The following SOS2 variants were observed in gnomAD, a reference collection of about 807,000 sequenced individuals.
SOS2 encodes the protein son of sevenless homolog 2.
A neutral mutation model predicts 148.2 loss-of-function variants in SOS2; 65 were observed. The observed-to-expected ratio is 0.44, with a 90% CI of 0.36 to 0.54. The LOEUF (loss-of-function observed/expected upper bound fraction) is 0.54. SOS2 is among the 20% of genes least tolerant of loss of function. The pLI, the probability that SOS2 is intolerant of heterozygous loss-of-function variation, is 0.00. For missense variants in SOS2, 1,341 were observed against 1,590.2 expected, an observed-to-expected ratio of 0.84 and a Z score of 2.67; for synonymous variants, 539 against 537.1, an observed-to-expected ratio of 1.00 and a Z score of -0.05.
intron 1 of SOS2, 40 bp downstream of exon 1, chr14:50,231,157 C>G: frequency 8.0e-7 from 1 of 1,247,306 alleles, no homozygotes; most frequent in Non-Finnish European, 1.1e-6. Context: ...GCTCGGGGGG[C>G]CACGGGCCAC....
intron 8 of SOS2, among the ~76,000 whole-genome samples, chr14:50,169,020 T>C (rs1242463995): frequency 2.6e-5 from 4 of 152,140 alleles, no homozygotes. Context: ...TATTTCAAAG[T>C]ACATTGTTAG....
At chr14:50,178,019 G>A (rs968671164) in intron 7 of SOS2, among the ~76,000 whole-genome samples, 1 of 152,070 alleles carries the variant, frequency 6.6e-6, no homozygotes, top group Admixed American at 6.6e-5. Flanking sequence ...AGAAAAACAG[G>A]GGCTGATAAC....
chr14:50,197,460 C>T (rs1331833218), intron 4 of SOS2, among the ~76,000 whole-genome samples: 1 of 152,102 alleles, frequency 6.6e-6, no homozygotes, highest in South Asian at 2.1e-4. Context: ...CTATGATATT[C>T]CTGCTAAAGA....
intron 5 of SOS2, 85 bp from the exon 6 acceptor site, chr14:50,182,691 C>T (rs910197053): frequency 9.3e-7 from 1 of 1,074,092 alleles, no homozygotes; most frequent in South Asian, 1.5e-5. Context: ...ATATAGGCTA[C>T]TCGAGGCAGA....
intron 7 of SOS2, among the ~76,000 whole-genome samples, chr14:50,176,294 T>A (rs7143675): frequency 0.21 from 32,000 of 152,182 alleles, 3,635 homozygotes; most frequent in East Asian, 0.45. Flanking sequence ...AAATTTCTAT[T>A]GTTTATAAGC....
chr14:50,124,530 T>C (rs1428070914), intron 21 of SOS2, among the ~76,000 whole-genome samples: 1 of 152,232 alleles, frequency 6.6e-6, no homozygotes, highest in Non-Finnish European at 1.5e-5. Context: ...AACATTTTTA[T>C]GGTTTGATAT....
At chr14:50,221,752 C>T (rs533929685) in intron 1 of SOS2, among the ~76,000 whole-genome samples, 1 of 152,128 alleles carries the variant, frequency 6.6e-6, no homozygotes, top group East Asian at 1.9e-4. Flanking sequence ...ATGGGAGGAT[C>T]GCTTGAGCCT....
At chr14:50,166,151 T>C (rs1006660895) in intron 8 of SOS2, among the ~76,000 whole-genome samples, 3 of 151,986 alleles carry the variant, frequency 2.0e-5, no homozygotes, top group African/African-American at 4.8e-5. Context: ...GGAAAAGAGG[T>C]CAAAGAGAAA....
At chr14:50,143,424 C>T (rs764111280) in intron 16 of SOS2, among the ~76,000 whole-genome samples, 15 of 151,192 alleles carry the variant, frequency 9.9e-5, no homozygotes, top group Non-Finnish European at 1.9e-4. Flanking sequence ...CCAATAAATA[C>T]ATATTCAACC....
At chr14:50,200,206 A>C (rs1467383126) in intron 3 of SOS2, among the ~76,000 whole-genome samples, 1 of 152,030 alleles carries the variant, frequency 6.6e-6, no homozygotes, top group Non-Finnish European at 1.5e-5. Flanking sequence ...CTTTAAAACC[A>C]GTATCCCCTA....
chr14:50,155,626 A>T (rs1884787178), intron 12 of SOS2, among the ~76,000 whole-genome samples: 2 of 152,194 alleles, frequency 1.3e-5, no homozygotes, highest in African/African-American at 4.8e-5. Context: ...AACAATATAT[A>T]ACTGTTTCAT....
chr14:50,205,134 T>C (rs1383574322), intron 1 of SOS2, among the ~76,000 whole-genome samples: 2 of 152,136 alleles, frequency 1.3e-5, no homozygotes, highest in African/African-American at 4.8e-5. Flanking sequence ...CCAGGCTCAC[T>C]GCAGACCTGG....
chr14:50,137,112 AAT>A (rs1884106222), intron 18 of SOS2, among the ~76,000 whole-genome samples: 1 of 152,206 alleles, frequency 6.6e-6, no homozygotes, highest in Non-Finnish European at 1.5e-5. Context: ...TGATAGTTAT[AAT>A]ATGTTCCCAA....
intron 1 of SOS2, 57 bp downstream of exon 1, chr14:50,231,140 G>A: frequency 1.9e-6 from 2 of 1,072,514 alleles, no homozygotes; most frequent in Admixed American, 3.1e-5. Flanking sequence ...CCTGCTCCCC[G>A]TTAGAAGCTC....
At chr14:50,199,176 A>C (rs972957898) in intron 4 of SOS2, among the ~76,000 whole-genome samples, 3 of 152,190 alleles carry the variant, frequency 2.0e-5, no homozygotes, top group African/African-American at 7.2e-5. Flanking sequence ...AAGAATAAGA[A>C]GGTAAGTAAA....
intron 6 of SOS2, among the ~76,000 whole-genome samples, chr14:50,182,109 C>T (rs1250674596): frequency 6.6e-6 from 1 of 151,714 alleles, no homozygotes; most frequent in African/African-American, 2.4e-5. Context: ...ACTATATAGG[C>T]AATGTGATTT....
chr14:50,123,869 G>A (rs1372932778), intron 21 of SOS2, among the ~76,000 whole-genome samples: 1 of 152,192 alleles, frequency 6.6e-6, no homozygotes, highest in African/African-American at 2.4e-5. Context: ...GCAAAAAATT[G>A]TTAGATTCTG....
chr14:50,183,126 C>T (rs1017100367), intron 5 of SOS2, among the ~76,000 whole-genome samples: 1 of 152,042 alleles, frequency 6.6e-6, no homozygotes, highest in Non-Finnish European at 1.5e-5. Context: ...CATGTGAATG[C>T]ACTCCCATTA....
rs1566814755 is a variant in SOS2 at position 50,118,703 on chromosome 14, C to T, written c.3640G>A (p.Asp1214Asn). 1 of 1,613,146 alleles carries T rather than the reference C, an allele frequency of 6.2e-7. No homozygotes were observed. Among genetic ancestry groups the T allele is most frequent in the Non-Finnish European group, 8.5e-7 (1 of 1,179,832 alleles). The change falls in exon 23 of 23, where the codon GAT (aspartate) becomes AAT (asparagine). Residue 1214 changes from aspartate to asparagine, a missense_variant. Transcript: ENST00000216373. ...PPPPPRDPLP[D>N]TPPPVPLRPP... ...CGAAGGGGAACTGGTGGAGGGGTATCAGGAAGAGGATCTCTTGGTGGTGGC... is the reference window on the plus strand; with the variant it reads ...CGAAGGGGAACTGGTGGAGGGGTATTAGGAAGAGGATCTCTTGGTGGTGGC...
Sources: gnomAD v4.1 joint callset for allele counts (sites outside exome capture counted in the v4.1 genomes callset) on GRCh38, gnomAD v4.1.1 for gene constraint, MANE v1.5 for transcripts, NCBI Gene and HGNC (gene_info 2026-07-23, HGNC 2026-07-21) for gene names.